Variants in OST4 observed in about 807,000 individuals in gnomAD.
The protein encoded by OST4 is dolichyl-diphosphooligosaccharide--protein glycosyltransferase subunit 4.
OST4 carries 3 observed loss-of-function variants against 2.1 expected under a neutral mutation model. That is an observed-to-expected ratio of 1.42 (90% CI 0.65 to 3.67). The LOEUF (loss-of-function observed/expected upper bound fraction) is 3.67, where lower values mean the gene tolerates loss of function less well. Ranked by LOEUF, OST4 falls within the 30% of genes most tolerant of loss-of-function variation. OST4 has a pLI of 0.03. For synonymous variants in OST4, 23 were observed against 21.6 expected, an observed-to-expected ratio of 1.06 and a Z score of -0.18; for missense variants, 52 against 47.1, an observed-to-expected ratio of 1.10 and a Z score of -0.30.
intron 2 of OST4, 23 bp downstream of exon 2, chr2:27,071,303 G>A: frequency 6.8e-7 from 1 of 1,471,084 alleles, no homozygotes; most frequent in Non-Finnish European, 9.3e-7. Context: ...TGGGGACTGG[G>A]CGCTACAGCC....
At position 27,071,471 on chromosome 2, in the gene OST4, G is replaced by A. The variant is rs1433179622; in HGVS notation, c.-1-8C>T. 1.3e-6 allele frequency: 2 copies of A among 1,547,406 alleles called. No individual in the cohort carries two copies. Among genetic ancestry groups the A allele is most frequent in the East Asian group, 2.4e-5 (1 of 40,860 alleles). On this transcript the variant is annotated splice_region_variant and splice_polypyrimidine_tract_variant and intron_variant, in intron 1 of 2. Coordinates refer to ENST00000456793, the MANE Select transcript of OST4 (RefSeq NM_001134693.2). ...TGCACGTCCGTGATCATCCTGCGGAGAAGAGAGGGGCTGAGCTGCGGGCTG... is the reference window on the plus strand; with the variant it reads ...TGCACGTCCGTGATCATCCTGCGGAAAAGAGAGGGGCTGAGCTGCGGGCTG...
Position 27,070,511 on chromosome 2 carries a change from G to T in OST4, c.*234C>A, listed in dbSNP as rs551352170. 7 of 483,484 alleles carry T rather than the reference G, an allele frequency of 1.4e-5. No homozygotes were observed. In the South Asian group the frequency reaches 1.9e-4, roughly 13 times the overall value. 29.9% of individuals were successfully genotyped at this position (483,484 alleles called of 1,614,324 possible). ...AAAAAAGTCTATATTTTTATATTGG[G>T]GGGAGGGAGTAGAAAAGCAAGCCCC... On this transcript the variant is annotated 3_prime_UTR_variant, in exon 3 of 3. Transcript: ENST00000456793.
rs1314440896 is a variant in OST4 at position 27,071,481 on chromosome 2, G to A, written c.-1-18C>T. 4 of 1,540,462 alleles carry A rather than the reference G, an allele frequency of 2.6e-6. No individual in the cohort carries two copies. The Admixed American group carries it at 7.8e-5, about 30-fold the overall frequency. ...TGATCATCCTGCGGAGAAGAGAGGG[G>A]CTGAGCTGCGGGCTGGCGCACTCCT... On this transcript the variant is annotated intron_variant, in intron 1 of 2. Transcript: ENST00000456793.
chr2:27,071,492 G>A (rs1267898876), intron 1 of OST4, 29 bp from the exon 2 acceptor site: 1 of 1,527,902 alleles, frequency 6.5e-7, no homozygotes, highest in South Asian at 1.2e-5. Flanking sequence ...CTGAGCTGCG[G>A]GCTGGCGCAC....
rs1669234707 is a variant in OST4, at chr2:27,070,480, C to CCA, written c.*263_*264dup. 3.8e-6 allele frequency: 2 copies of CCA among 520,010 alleles called. No individual in the cohort carries two copies. Among genetic ancestry groups the CCA allele is most frequent in the East Asian group, 6.0e-5 (2 of 33,578 alleles). 32.2% of individuals were successfully genotyped at this position (520,010 alleles called of 1,614,324 possible). ...CCCTCCGCAGCACAAGATTTTGGGACCACAAAAAAAAGTCTATATTTTTAT... is the reference window on the plus strand; with the variant it reads ...CCCTCCGCAGCACAAGATTTTGGGACCACACAAAAAAAAGTCTATATTTTTAT... On this transcript the variant is annotated 3_prime_UTR_variant, in exon 3 of 3. Coordinates refer to ENST00000456793, the MANE Select transcript of OST4 (RefSeq NM_001134693.2).
Position 27,070,561 on chromosome 2 carries a change from G to A in OST4, c.*184C>T. On this transcript the variant is annotated 3_prime_UTR_variant, in exon 3 of 3. Transcript: ENST00000456793. ...CTATACTGGGCCCTATTCAGTGGCAGCTTCTTGTTCCATAGGATTAAGGAA... is the reference window on the plus strand; with the variant it reads ...CTATACTGGGCCCTATTCAGTGGCAACTTCTTGTTCCATAGGATTAAGGAA... 1 of 323,834 alleles carries A rather than the reference G, an allele frequency of 3.1e-6. No individual in the cohort carries two copies. Among genetic ancestry groups the A allele is most frequent in the Non-Finnish European group, 5.7e-6 (1 of 175,106 alleles). 20.1% of individuals were successfully genotyped at this position (323,834 alleles called of 1,614,324 possible). A position where few individuals can be genotyped will look rare whatever the true frequency, so the allele number is the denominator to read the frequency against.
At position 27,071,580 on chromosome 2, in the gene OST4, CG is replaced by C. The variant is rs1175658034; in HGVS notation, c.-2+20del. On this transcript the variant is annotated intron_variant, in intron 1 of 2. Coordinates refer to ENST00000456793, the MANE Select transcript of OST4 (RefSeq NM_001134693.2). ...GCCACGGCGGGGCTGGCCCGTGGGA[CG>C]GCCCCTGCGTGCCTCTGACCTGACC... The C allele has an allele frequency of 4.3e-6, 3 of 700,436 alleles. No homozygotes were observed. The highest frequency in any genetic ancestry group is 3.0e-5 in the Admixed American group (1 of 33,210). The allele number at this position is 700,436 out of a possible 1,614,324, so 43.4% of individuals were successfully genotyped here.
At position 27,071,470 on chromosome 2, in the gene OST4, A is replaced by G; in HGVS notation, c.-1-7T>C. 1 of 1,548,636 alleles carries G rather than the reference A, an allele frequency of 6.5e-7. No individual in the cohort carries two copies. Among genetic ancestry groups the G allele is most frequent in the Non-Finnish European group, 8.7e-7 (1 of 1,144,710 alleles). On this transcript the variant is annotated splice_region_variant and splice_polypyrimidine_tract_variant and intron_variant, in intron 1 of 2. Transcript: ENST00000456793. ...CTGCACGTCCGTGATCATCCTGCGG[A>G]GAAGAGAGGGGCTGAGCTGCGGGCT...
Position 27,071,334 on chromosome 2 carries a change from G to T in OST4, c.*15C>A. 2 of 1,547,236 alleles carry T rather than the reference G, an allele frequency of 1.3e-6. No individual in the cohort carries two copies. Among genetic ancestry groups the T allele is most frequent in the Non-Finnish European group, 1.7e-6 (2 of 1,143,050 alleles). ...CAGCCCCGGGCCGTTACCTGGGGCG[G>T]AGAAAGCGCCACTTTCATTCCTGCT... On this transcript the variant is annotated 3_prime_UTR_variant, in exon 2 of 3. Coordinates refer to ENST00000456793, the MANE Select transcript of OST4 (RefSeq NM_001134693.2).
Sources: allele counts gnomAD v4.1 joint callset, GRCh38; gene constraint gnomAD v4.1.1; transcripts MANE v1.5; gene names NCBI Gene and HGNC (gene_info 2026-07-23, HGNC 2026-07-21).